The following WDPCP variants were observed in gnomAD, a reference collection of about 807,000 sequenced individuals.
The protein encoded by WDPCP is WD repeat-containing and planar cell polarity effector protein fritz homolog.
WDPCP carries 71 observed loss-of-function variants against 93.1 expected under a neutral mutation model. The observed-to-expected ratio is 0.76, with a 90% CI of 0.63 to 0.93. The LOEUF is 0.93. WDPCP is among the 40% of genes least tolerant of loss of function. The pLI, the probability that WDPCP is intolerant of heterozygous loss-of-function variation, is 0.00. For synonymous variants in WDPCP, 315 were observed against 315.0 expected (o/e 1.00, Z 0.00); for missense variants, 844 against 887.4 (o/e 0.95, Z 0.62).
At chr2:63,220,932 T>A (rs1326242501) in intron 14 of WDPCP, among the ~76,000 whole-genome samples, 2 of 152,116 alleles carry the variant, frequency 1.3e-5, no homozygotes, top group Admixed American at 6.6e-5. Context: ...GCACCTCCCA[T>A]TTACAAGTGA....
intron 2 of WDPCP, among the ~76,000 whole-genome samples, chr2:63,720,342 A>G (rs111765545): frequency 0.017 from 2,570 of 151,612 alleles, 25 homozygotes; most frequent in African/African-American, 0.019. Flanking sequence ...GCTTGATCCC[A>G]TGAGGCAGAG....
chr2:63,607,123 G>C, intron 3 of WDPCP: 1 of 802,564 alleles, frequency 1.2e-6, no homozygotes, highest in Non-Finnish European at 1.8e-6. Context: ...CGTGCTTCTT[G>C]GTACAGGTTT....
intron 2 of WDPCP, among the ~76,000 whole-genome samples, chr2:63,651,523 T>TGGG (rs766224330): frequency 2.6e-5 from 4 of 152,046 alleles, no homozygotes; most frequent in Non-Finnish European, 5.9e-5. Context: ...ATGTGCAATG[T>TGGG]GGGGGCTGGC....
At chr2:63,321,386 C>CTGTGTG (rs59970085) in intron 12 of WDPCP, among the ~76,000 whole-genome samples, 55 of 148,632 alleles carry the variant, frequency 3.7e-4, no homozygotes, top group Admixed American at 2.4e-3. Flanking sequence ...TATATACACT[C>CTGTGTG]TGTGTGTGTG....
intron 2 of WDPCP, among the ~76,000 whole-genome samples, chr2:63,795,263 G>A (rs780741102): frequency 6.6e-6 from 1 of 152,138 alleles, no homozygotes; most frequent in African/African-American, 2.4e-5. Flanking sequence ...CTGTTTTCAC[G>A]CTGAGAGGAT....
intron 13 of WDPCP, among the ~76,000 whole-genome samples, chr2:63,263,042 T>C (rs1681780328): frequency 6.6e-6 from 1 of 152,242 alleles, no homozygotes; most frequent in African/African-American, 2.4e-5. Flanking sequence ...TCATTATTCA[T>C]ATATTTGAAT....
At chr2:63,378,239 A>G in intron 12 of WDPCP, 147 bp downstream of exon 12, 1 of 1,090,444 alleles carries the variant, frequency 9.2e-7, no homozygotes, top group East Asian at 2.6e-5. Flanking sequence ...TAACAAATTA[A>G]ATAAGACCAA....
At chr2:63,538,301 A>G (rs568309846) in intron 1 of WDPCP, among the ~76,000 whole-genome samples, 1 of 152,170 alleles carries the variant, frequency 6.6e-6, no homozygotes, top group Non-Finnish European at 1.5e-5. Flanking sequence ...CCCAAATAAG[A>G]TATTAAAATA....
chr2:63,667,078 T>C (rs1710293243), intron 2 of WDPCP, among the ~76,000 whole-genome samples: 1 of 152,228 alleles, frequency 6.6e-6, no homozygotes, highest in Admixed American at 6.5e-5. Context: ...GTAGTGACGA[T>C]TTCAGGGGTG....
At chr2:63,309,682 T>C (rs753532819) in intron 13 of WDPCP, among the ~76,000 whole-genome samples, 3 of 152,298 alleles carry the variant, frequency 2.0e-5, no homozygotes, top group Non-Finnish European at 1.5e-5. Context: ...CTCATGTCTA[T>C]ATAAGACATT....
rs139859845 is a variant in WDPCP, at chr2:63,127,484, C to T, written c.2191-5428G>A. Among the ~76,000 whole-genome samples the T allele has an allele frequency of 1.6e-4, 25 of 151,792 alleles. No homozygotes were observed. In the East Asian group the frequency reaches 4.6e-3, roughly 28 times the overall value. ...GAATGAGAATAGTTTATCAATTACT[C>T]CATCTCAACCAATACTTGAAGATAC... On this transcript the variant is annotated intron_variant, in intron 17 of 17. Transcript: ENST00000272321.
rs531841605 is a variant in WDPCP, at chr2:63,459,842, G to C, written c.385-19971C>G. On this transcript the variant is annotated intron_variant, in intron 6 of 17. Coordinates refer to ENST00000272321, the MANE Select transcript of WDPCP (RefSeq NM_015910.7). ...TGAGGCAAGAGAATGGCTTGAACTT[G>C]GGAGGGGGAGGTTGCAGTGAGGTGA... Among the ~76,000 whole-genome samples the C allele has an allele frequency of 1.7e-4, 26 of 151,466 alleles. No individual in the cohort carries two copies. The South Asian group carries it at 5.0e-3, about 29-fold the overall frequency.
At chr2:63,365,559 C>A (rs1005289578) in intron 12 of WDPCP, among the ~76,000 whole-genome samples, 2 of 152,118 alleles carry the variant, frequency 1.3e-5, no homozygotes, top group African/African-American at 4.8e-5. Context: ...AATCTTTGAT[C>A]TCTTAGGACT....
chr2:63,581,847 A>C (rs1708516667), intron 1 of WDPCP, among the ~76,000 whole-genome samples: 1 of 152,062 alleles, frequency 6.6e-6, no homozygotes, highest in Non-Finnish European at 1.5e-5. Flanking sequence ...TATCTGCAAA[A>C]AACTACAAGA....
chr2:63,544,476 A>G (rs1704984770), intron 1 of WDPCP, among the ~76,000 whole-genome samples: 1 of 152,202 alleles, frequency 6.6e-6, no homozygotes, highest in Admixed American at 6.6e-5. Context: ...CATATTTCAA[A>G]TGTGTTCAAA....
Position 63,159,728 on chromosome 2 carries a change from T to TCTGCAGTG in WDPCP, c.2079-6162_2079-6155dup, listed in dbSNP as rs576923979. Among the ~76,000 whole-genome samples, 649 of 152,324 alleles carry TCTGCAGTG rather than the reference T, an allele frequency of 4.3e-3. 2 individuals carry two copies. The highest frequency in any genetic ancestry group is 7.7e-3 in the Non-Finnish European group (521 of 68,022). The stretch of plus-strand genomic sequence containing the variant: ...CTGTTTGTCGTGCTATTTGGTGATA[T>TCTGCAGTG]CTGCAGTGCTGTCAGTGTGTGTACC... On this transcript the variant is annotated intron_variant, in intron 15 of 17. Transcript: ENST00000272321.
chr2:63,545,300 T>C (rs1705059747), intron 1 of WDPCP, among the ~76,000 whole-genome samples: 1 of 151,436 alleles, frequency 6.6e-6, no homozygotes, highest in Non-Finnish European at 1.5e-5. Context: ...TGTGTGTGTG[T>C]GTGTGCACGT....
intron 14 of WDPCP, among the ~76,000 whole-genome samples, chr2:63,230,119 T>C (rs575305231): frequency 7.9e-6 from 1 of 127,296 alleles, no homozygotes; most frequent in Admixed American, 9.2e-5. Flanking sequence ...TGGTGTGTGA[T>C]GTTCCCCACC....
intron 7 of WDPCP, chr2:63,438,078 T>C (rs559205244): frequency 5.6e-4 from 597 of 1,071,542 alleles, no homozygotes; most frequent in Non-Finnish European, 6.8e-4. Context: ...AATATGTACA[T>C]TACATAAATT....
Sources: allele counts gnomAD v4.1 joint callset (sites outside exome capture counted in the v4.1 genomes callset), GRCh38; gene constraint gnomAD v4.1.1; transcripts MANE v1.5; gene names NCBI Gene and HGNC (gene_info 2026-07-23, HGNC 2026-07-21).